Variants in COL4A4 observed in about 807,000 individuals in gnomAD.
COL4A4 encodes the protein collagen alpha-4(IV) chain.
Under a neutral mutation model 192.9 loss-of-function variants are expected in COL4A4, and 105 were observed. The observed-to-expected ratio is 0.54, with a 90% CI of 0.46 to 0.64. The LOEUF (loss-of-function observed/expected upper bound fraction) is 0.64, where lower values mean the gene tolerates loss of function less well. Ranked by LOEUF, COL4A4 falls within the 30% of genes least tolerant of loss-of-function variation. The pLI is 0.00. For missense variants in COL4A4, 1,967 were observed against 2,169.3 expected, an observed-to-expected ratio of 0.91 and a Z score of 1.85; for synonymous variants, 762 against 769.9, an observed-to-expected ratio of 0.99 and a Z score of 0.17.
At chr2:227,053,983 C>G (rs1974761033) in intron 31 of COL4A4, among the ~76,000 whole-genome samples, 1 of 152,088 alleles carries the variant, frequency 6.6e-6, no homozygotes, top group African/African-American at 2.4e-5. Context: ...CTGTACAGCA[C>G]ATGAGATGCG....
the COL4A4 span, among the ~76,000 whole-genome samples, chr2:226,987,714 A>G: frequency 1.3e-5 from 2 of 152,196 alleles, no homozygotes; most frequent in South Asian, 4.1e-4. Flanking sequence ...TGGACCCCAG[A>G]TATGAACCCA....
In COL4A4 at chr2:227,151,640, A is replaced by G. The variant is rs148993920; in HGVS notation, c.-101-4056T>C. Among the ~76,000 whole-genome samples, 7 of 152,206 alleles carry G rather than the reference A, an allele frequency of 4.6e-5. No homozygotes were observed. The East Asian group carries it at 1.3e-3, about 29-fold the overall frequency. ...CATGGTCTGAATGTTTGTGTCCTGC[A>G]CCTCCAATTCGTAGGTTGCAACTTA... On this transcript the variant is annotated intron_variant, in intron 1 of 47. Coordinates refer to ENST00000396625, the MANE Select transcript of COL4A4 (RefSeq NM_000092.5).
At chr2:227,144,950 C>T (rs2063450318) in intron 2 of COL4A4, among the ~76,000 whole-genome samples, 2 of 151,912 alleles carry the variant, frequency 1.3e-5, no homozygotes, top group Non-Finnish European at 2.9e-5. Context: ...TCCCATAATG[C>T]CATTTAGTGG....
At chr2:227,094,882 G>A (rs1211970282) in intron 19 of COL4A4, among the ~76,000 whole-genome samples, 1 of 152,094 alleles carries the variant, frequency 6.6e-6, no homozygotes, top group East Asian at 1.9e-4. Flanking sequence ...TGCTCTAGAT[G>A]ACAGCTTTCA....
chr2:227,045,745 G>A (rs563533339), intron 35 of COL4A4, among the ~76,000 whole-genome samples: 20 of 140,488 alleles, frequency 1.4e-4, no homozygotes, highest in Admixed American at 1.3e-3. Context: ...CTCCAGCCTG[G>A]GTGAAACAGC....
At chr2:226,970,922 T>C in the COL4A4 span, among the ~76,000 whole-genome samples, 2 of 152,198 alleles carry the variant, frequency 1.3e-5, no homozygotes, top group African/African-American at 4.8e-5. Flanking sequence ...CTGCCCCACA[T>C]CATTTCAAGT....
At chr2:226,974,065 C>T in the COL4A4 span, among the ~76,000 whole-genome samples, 1 of 152,036 alleles carries the variant, frequency 6.6e-6, no homozygotes, top group Non-Finnish European at 1.5e-5. Flanking sequence ...GACAGATGGC[C>T]GGCGTTTGTC....
the COL4A4 span, among the ~76,000 whole-genome samples, chr2:226,973,960 C>T: frequency 6.6e-6 from 1 of 152,274 alleles, no homozygotes; most frequent in South Asian, 2.1e-4. Flanking sequence ...GTGGCTGCCT[C>T]TCTGCAATGA....
At chr2:227,081,187 TGTGAGGGTGTTGCCA>T in intron 23 of COL4A4, among the ~76,000 whole-genome samples, 1 of 152,138 alleles carries the variant, frequency 6.6e-6, no homozygotes, top group South Asian at 2.1e-4. Flanking sequence ...TGGGTGTGTC[TGTGAGGGTGTTGCCA>T]GAGGAGATTA....
chr2:227,136,903 C>G (rs375271781), intron 4 of COL4A4, among the ~76,000 whole-genome samples: 14 of 120,354 alleles, frequency 1.2e-4, no homozygotes, highest in African/African-American at 5.0e-4. Context: ...GATAGTCCCC[C>G]GTGAGCTGTC....
chr2:227,094,075 A>G (rs770590497), intron 20 of COL4A4, 50 bp downstream of exon 20: 1 of 1,539,668 alleles, frequency 6.5e-7, no homozygotes, highest in South Asian at 1.2e-5. Flanking sequence ...GGCACTGCAA[A>G]TATCAAAAGC....
the COL4A4 span, among the ~76,000 whole-genome samples, chr2:226,987,336 G>A: frequency 2.6e-5 from 4 of 151,578 alleles, no homozygotes; most frequent in African/African-American, 9.7e-5. Context: ...AGAACTTAAA[G>A]TATAAAAAAA....
intron 35 of COL4A4, 88 bp from the exon 36 acceptor site, chr2:227,043,272 T>C (rs1971818327): frequency 9.2e-7 from 1 of 1,092,554 alleles, no homozygotes; most frequent in Admixed American, 1.8e-5. Flanking sequence ...TATTCTTTTC[T>C]ATCCTTACTT....
Position 227,103,188 on chromosome 2 carries a change from C to T in COL4A4, c.826G>A (p.Gly276Arg). Residue 276 changes from glycine (G) to arginine (R), a missense_variant, in exon 14 of 48, where the codon GGA (glycine) becomes AGA (arginine). By Grantham distance (125) the Gly-to-Arg change is moderately radical. Coordinates refer to ENST00000396625, the MANE Select transcript of COL4A4 (RefSeq NM_000092.5). ...CLYKGEKGIK[G>R]IPGMVGLPGP... Reference sequence around the variant, plus strand: ...GGCAGTCCAACCATTCCAGGAATTCCTTTTATACCCTAAAAATTACAATGA... The same window carrying T: ...GGCAGTCCAACCATTCCAGGAATTCTTTTTATACCCTAAAAATTACAATGA... 6.2e-7 allele frequency: 1 copy of T among 1,612,006 alleles called. No individual in the cohort carries two copies. Among genetic ancestry groups the T allele is most frequent in the South Asian group, 1.1e-5 (1 of 90,740 alleles).
intron 18 of COL4A4, among the ~76,000 whole-genome samples, chr2:227,099,394 C>T (rs979502163): frequency 1.1e-4 from 17 of 152,064 alleles, no homozygotes; most frequent in African/African-American, 3.6e-4. Flanking sequence ...CAATTTTTAG[C>T]GATTAAAAAT....
intron 20 of COL4A4, among the ~76,000 whole-genome samples, chr2:227,092,443 C>A (rs577366889): frequency 6.6e-6 from 1 of 152,246 alleles, no homozygotes; most frequent in East Asian, 1.9e-4. Context: ...AAAGGAAGAT[C>A]TCAAGACAGT....
intron 5 of COL4A4, 86 bp from the exon 6 acceptor site, chr2:227,120,025 C>T (rs1465949825): frequency 1.8e-5 from 18 of 1,021,064 alleles, no homozygotes; most frequent in Non-Finnish European, 2.4e-5. Flanking sequence ...ATTAATTACT[C>T]ATCTTTAAAC....
At chr2:227,002,088 C>T (rs866485215), downstream of COL4A4, among the ~76,000 whole-genome samples, 4 of 147,182 alleles carry the variant, frequency 2.7e-5, no homozygotes, top group East Asian at 4.1e-4. Flanking sequence ...GAGGATCATT[C>T]GAGCCTGCGA....
At chr2:227,124,543 TTGAG>T (rs1479611702) in intron 4 of COL4A4, among the ~76,000 whole-genome samples, 6 of 152,220 alleles carry the variant, frequency 3.9e-5, no homozygotes, top group Admixed American at 2.6e-4. Context: ...CTACTATTTA[TTGAG>T]TATCCATATA....
Sources: gnomAD v4.1 joint callset for allele counts (sites outside exome capture counted in the v4.1 genomes callset) on GRCh38, gnomAD v4.1.1 for gene constraint, MANE v1.5 for transcripts, NCBI Gene and HGNC (gene_info 2026-07-23, HGNC 2026-07-21) for gene names.